The following SCYL2 variants were observed in gnomAD, a reference collection of about 807,000 sequenced individuals.
SCYL2 encodes SCY1 like pseudokinase 2.
SCYL2 carries 36 observed loss-of-function variants against 100.4 expected under a neutral mutation model. The observed-to-expected ratio is 0.36, with a 90% CI of 0.27 to 0.47. The LOEUF (loss-of-function observed/expected upper bound fraction) is 0.47. Ranked by LOEUF, SCYL2 falls within the 20% of genes least tolerant of loss-of-function variation. The pLI is 1.00. For missense variants in SCYL2, 902 were observed against 1,083.9 expected (o/e 0.83, Z 2.36); for synonymous variants, 330 against 359.2 (o/e 0.92, Z 0.92).
In SCYL2 at chr12:100,299,336, G is replaced by A. The variant is rs76813025; in HGVS notation, c.480+1161G>A. Among the ~76,000 whole-genome samples the A allele has an allele frequency of 8.3e-3, 1,266 of 152,214 alleles. 13 individuals carry two copies. Among genetic ancestry groups the A allele is most frequent in the African/African-American group, 0.029 (1,211 of 41,506 alleles). On this transcript the variant is annotated intron_variant, in intron 4 of 17. Transcript: ENST00000360820. ...TTTGGGCAGACATTATTTTTATTAC[G>A]TTTTAACAGCTTTATTAAGATATAA...
At chr12:100,297,189 A>G (rs2096321887) in intron 3 of SCYL2, among the ~76,000 whole-genome samples, 1 of 152,216 alleles carries the variant, frequency 6.6e-6, no homozygotes, top group Admixed American at 6.5e-5. Context: ...TATTGAGCTT[A>G]CATGCTTTAT....
At chr12:100,281,857 A>T (rs1415874456) in intron 1 of SCYL2, among the ~76,000 whole-genome samples, 1 of 151,822 alleles carries the variant, frequency 6.6e-6, no homozygotes, top group Non-Finnish European at 1.5e-5. Context: ...AAAAGAAAGT[A>T]CAAATTTATT....
At chr12:100,297,820 T>G (rs2096322691) in intron 3 of SCYL2, among the ~76,000 whole-genome samples, 1 of 152,182 alleles carries the variant, frequency 6.6e-6, no homozygotes. Flanking sequence ...ACACTTAGTT[T>G]AAAAGACCGA....
At chr12:100,299,917 C>T (rs1016206148) in intron 4 of SCYL2, among the ~76,000 whole-genome samples, 2 of 152,170 alleles carry the variant, frequency 1.3e-5, no homozygotes, top group Non-Finnish European at 2.9e-5. Flanking sequence ...GTGTATGATT[C>T]ACTTTTTAAG....
intron 15 of SCYL2, 51 bp from the exon 16 acceptor site, chr12:100,335,760 A>T: frequency 1.3e-6 from 2 of 1,596,954 alleles, no homozygotes; most frequent in Non-Finnish European, 1.7e-6. Flanking sequence ...TAAGCAGCAA[A>T]ATCACATTTT....
rs1952326077 is a variant in SCYL2 at position 100,339,452 on chromosome 12, T to G, written c.*280T>G. 9 of 378,238 alleles carry G rather than the reference T, an allele frequency of 2.4e-5. No individual in the cohort carries two copies. The Admixed American group carries it at 3.5e-4, about 15-fold the overall frequency. 23.4% of individuals were successfully genotyped at this position (378,238 alleles called of 1,614,324 possible). On this transcript the variant is annotated 3_prime_UTR_variant, in exon 18 of 18. Coordinates refer to ENST00000360820, the MANE Select transcript of SCYL2 (RefSeq NM_017988.6). ...AAGAGAAAAAGGAAACTGAGTTATC[T>G]TGAATAACATAACTTTTTAATCAAA...
At chr12:100,297,970 T>A in intron 3 of SCYL2, 61 bp from the exon 4 acceptor site, 1 of 1,221,864 alleles carries the variant, frequency 8.2e-7, no homozygotes, top group Non-Finnish European at 1.2e-6. Context: ...ATTTTATGTA[T>A]ATTTGATTTT....
chr12:100,291,850 A>T (rs1272933071), intron 3 of SCYL2, 190 bp downstream of exon 3: 1 of 542,504 alleles, frequency 1.8e-6, no homozygotes, highest in African/African-American at 2.0e-5. Context: ...TTGAAATATT[A>T]ATACTTTCTT....
intron 2 of SCYL2, among the ~76,000 whole-genome samples, chr12:100,287,650 A>T (rs1211895339): frequency 6.6e-6 from 1 of 152,208 alleles, no homozygotes; most frequent in East Asian, 1.9e-4. Context: ...TGAATAAATA[A>T]ATAATAGGAT....
chr12:100,302,076 G>T (rs1307442742), intron 4 of SCYL2, among the ~76,000 whole-genome samples: 1 of 152,176 alleles, frequency 6.6e-6, no homozygotes, highest in East Asian at 1.9e-4. Context: ...CTAGATTGGG[G>T]CCCTTAAAAC....
chr12:100,296,370 G>T (rs1178538172), intron 3 of SCYL2, among the ~76,000 whole-genome samples: 1 of 152,156 alleles, frequency 6.6e-6, no homozygotes, highest in African/African-American at 2.4e-5. Flanking sequence ...ATATGGGGGT[G>T]AGTCACTTAC....
intron 17 of SCYL2, among the ~76,000 whole-genome samples, chr12:100,338,012 T>TA (rs1592975188): frequency 6.6e-6 from 1 of 152,334 alleles, no homozygotes; most frequent in East Asian, 1.9e-4. Context: ...TTTACACTGT[T>TA]ACTGGTTTCA....
chr12:100,338,968 T>G lies in SCYL2; in HGVS notation c.2586T>G (p.Asn862Lys). 6.2e-7 allele frequency: 1 copy of G among 1,614,108 alleles called. No homozygotes were observed. The change falls in exon 18 of 18, where the codon AAT becomes AAG. Residue 862 changes from asparagine to lysine, a missense_variant. Physicochemically the swap from Asn to Lys is moderately conservative, Grantham distance 94. Coordinates refer to ENST00000360820, the MANE Select transcript of SCYL2 (RefSeq NM_017988.6). ...ACCAGTTATCACAACAGAAACCAAA[T>G]CAGTGGCTTAATCAGTTTGTACCTC... ...SMNQLSQQKPNQWLNQFVPPQ... is the reference protein window; with the variant it reads ...SMNQLSQQKPKQWLNQFVPPQ...
At chr12:100,298,462 A>T (rs535313546) in intron 4 of SCYL2, among the ~76,000 whole-genome samples, 3 of 152,354 alleles carry the variant, frequency 2.0e-5, no homozygotes, top group Non-Finnish European at 4.4e-5. Context: ...ACATTTTATA[A>T]AACATTCAAT....
At chr12:100,271,359 A>C (rs550433569) in intron 1 of SCYL2, among the ~76,000 whole-genome samples, 1 of 151,838 alleles carries the variant, frequency 6.6e-6, no homozygotes, top group East Asian at 1.9e-4. Flanking sequence ...GTATAAGCAC[A>C]CGTATTTTCC....
intron 1 of SCYL2, among the ~76,000 whole-genome samples, chr12:100,277,385 T>A (rs1257480219): frequency 1.3e-5 from 2 of 152,206 alleles, no homozygotes; most frequent in Non-Finnish European, 2.9e-5. Context: ...TATGAATTTG[T>A]CTATTTCTTC....
At chr12:100,305,701 T>C (rs2096333430) in intron 4 of SCYL2, among the ~76,000 whole-genome samples, 1 of 139,294 alleles carries the variant, frequency 7.2e-6, no homozygotes. Flanking sequence ...AATAAATCAG[T>C]GAATCTAGGA....
chr12:100,327,313 G>A (rs1366044481), intron 12 of SCYL2: 1 of 201,330 alleles, frequency 5.0e-6, no homozygotes. Context: ...TGCTGATGAA[G>A]CATGTTAACC....
At chr12:100,268,419 G>C (rs537513337) in intron 1 of SCYL2, among the ~76,000 whole-genome samples, 48 of 152,260 alleles carry the variant, frequency 3.2e-4, no homozygotes, top group African/African-American at 1.2e-3. Flanking sequence ...TTGGTTTGCT[G>C]TCTTATTCTT....
Sources: allele counts gnomAD v4.1 joint callset (sites outside exome capture counted in the v4.1 genomes callset), GRCh38; gene constraint gnomAD v4.1.1; transcripts MANE v1.5; gene names NCBI Gene and HGNC (gene_info 2026-07-23, HGNC 2026-07-21).